The following SYT12 variants were observed in gnomAD, a reference collection of about 807,000 sequenced individuals.
SYT12 encodes synaptotagmin 12, also known as synaptotagmin-12.
A neutral mutation model predicts 39.5 loss-of-function variants in SYT12; 27 were observed. That is an observed-to-expected ratio of 0.68 (90% CI 0.50 to 0.94). The LOEUF is 0.94. Ranked by LOEUF, SYT12 falls within the 40% of genes least tolerant of loss-of-function variation. SYT12 has a pLI of 0.00. For missense variants in SYT12, 536 were observed against 572.6 expected (o/e 0.94, Z 0.65); for synonymous variants, 233 against 239.7 (o/e 0.97, Z 0.26).
chr11:67,019,069 T>A (rs1188155293), upstream of SYT12, among the ~76,000 whole-genome samples: 1 of 152,188 alleles, frequency 6.6e-6, no homozygotes, highest in Non-Finnish European at 1.5e-5. Flanking sequence ...GGACTCACAG[T>A]TCCTCATGAC....
chr11:67,024,830 C>G (rs1230557264), intron 1 of SYT12, among the ~76,000 whole-genome samples: 1 of 152,186 alleles, frequency 6.6e-6, no homozygotes, highest in Non-Finnish European at 1.5e-5. Context: ...AACTCCCGAC[C>G]CTTCCCATTG....
chr11:67,023,679 A>G (rs1398595544), intron 1 of SYT12, among the ~76,000 whole-genome samples: 1 of 152,168 alleles, frequency 6.6e-6, no homozygotes, highest in Non-Finnish European at 1.5e-5. Flanking sequence ...TGCGCATCGC[A>G]TCGCACGCCC....
In SYT12 at chr11:67,050,155, T is replaced by G. The variant is rs1474968968; in HGVS notation, c.*1398T>G. Reference sequence around the variant, plus strand: ...CCCAGAAGCAGAGGGGCTGGGCTGTTGCACCTCTACTGGCATCAGTCTTTG... The same window carrying G: ...CCCAGAAGCAGAGGGGCTGGGCTGTGGCACCTCTACTGGCATCAGTCTTTG... On this transcript the variant is annotated 3_prime_UTR_variant, in exon 8 of 8. Transcript: ENST00000527043. 1 of 151,634 alleles carries G rather than the reference T, an allele frequency of 6.6e-6. No homozygotes were observed. Among genetic ancestry groups the G allele is most frequent in the Admixed American group, 6.6e-5 (1 of 15,236 alleles). The allele number at this position is 151,634 out of a possible 1,614,324, so 9.4% of individuals were successfully genotyped here. A position where few individuals can be genotyped will look rare whatever the true frequency, so the allele number is the denominator to read the frequency against.
intron 1 of SYT12, among the ~76,000 whole-genome samples, chr11:67,026,231 G>A (rs923214665): frequency 4.6e-5 from 7 of 152,112 alleles, no homozygotes; most frequent in African/African-American, 1.7e-4. Context: ...GTCGGGGGAT[G>A]CAAACCCATT....
chr11:67,027,840 G>T (rs1290963819), intron 1 of SYT12: 1 of 152,284 alleles, frequency 6.6e-6, no homozygotes, highest in Non-Finnish European at 1.5e-5. Flanking sequence ...TGCCAGGTAA[G>T]CAGGAAAAAG....
intron 2 of SYT12, chr11:67,032,569 T>G (rs1950290762): frequency 6.6e-6 from 1 of 152,264 alleles, no homozygotes; most frequent in South Asian, 2.1e-4. Flanking sequence ...GAAACAGATG[T>G]GCTCATTACC....
intron 2 of SYT12, chr11:67,032,120 A>G (rs1209951723): frequency 6.6e-6 from 1 of 152,176 alleles, no homozygotes; most frequent in Non-Finnish European, 1.5e-5. Flanking sequence ...GTGCTGCGTG[A>G]CTTTTGCGCA....
At chr11:67,047,777 CTTTTT>C (rs1173796349) in intron 7 of SYT12, among the ~76,000 whole-genome samples, 3 of 76,030 alleles carry the variant, frequency 3.9e-5, no homozygotes, top group Admixed American at 1.3e-4. Context: ...ACCCCCATCT[CTTTTT>C]TTTTTTTTTT....
Position 67,048,739 on chromosome 11 carries a change from C to A in SYT12, c.1248C>A (p.His416Gln), listed in dbSNP as rs377247530. Residue 416 changes from histidine (H) to glutamine (Q), a missense_variant, in exon 8 of 8, where the codon CAC becomes CAA. Physicochemically the swap from His to Gln is conservative, Grantham distance 24. Coordinates refer to ENST00000527043, the MANE Select transcript of SYT12 (RefSeq NM_177963.4). ...TGCGCAGGCCCGTGTCCATGTGGCA[C>A]GCTGTCCGGCGAAACTAGCAACCAG... ...ATLRRPVSMWHAVRRN is the reference protein window; with the variant it reads ...ATLRRPVSMWQAVRRN 7.5e-6 allele frequency: 12 copies of A among 1,595,994 alleles called. No individual in the cohort carries two copies. The highest frequency in any genetic ancestry group is 1.3e-5 in the African/African-American group (1 of 74,594).
At chr11:67,014,766 C>A (rs2136194906) in intron 3 of SYT12, among the ~76,000 whole-genome samples, 1 of 152,146 alleles carries the variant, frequency 6.6e-6, no homozygotes, top group Non-Finnish European at 1.5e-5. Flanking sequence ...GCCTAGGTGC[C>A]CTGGCTGGCT....
chr11:67,044,837 C>G, intron 6 of SYT12, 124 bp downstream of exon 6: 1 of 1,417,286 alleles, frequency 7.1e-7, no homozygotes, highest in Non-Finnish European at 9.6e-7. Context: ...TCCCCCTCAG[C>G]TTTGCTGAGC....
At chr11:67,013,967 A>G (rs993674776) in intron 3 of SYT12, among the ~76,000 whole-genome samples, 25 of 152,194 alleles carry the variant, frequency 1.6e-4, no homozygotes, top group African/African-American at 5.8e-4. Flanking sequence ...GCAACCCTTG[A>G]TATTCCTTGG....
At chr11:67,031,903 G>T (rs1482496134) in intron 2 of SYT12, 1 of 152,290 alleles carries the variant, frequency 6.6e-6, no homozygotes, top group African/African-American at 2.4e-5. Context: ...GCCCTGCTGT[G>T]ACCCTGTTCC....
chr11:67,039,810 G>T lies in SYT12; in HGVS notation c.229-1G>T. 6.2e-7 allele frequency: 1 copy of T among 1,608,216 alleles called. No homozygotes were observed. Among genetic ancestry groups the T allele is most frequent in the Non-Finnish European group, 8.5e-7 (1 of 1,178,854 alleles). ...CCCACGTCCCTCTTTCTCACCCCTA[G>T]AGAGTGCCTGCCTGGAATGCCCAGC... On this transcript the variant is annotated splice_acceptor_variant, in intron 3 of 7. Coordinates refer to ENST00000527043, the MANE Select transcript of SYT12 (RefSeq NM_177963.4). LOFTEE classifies it high-confidence loss of function.
chr11:67,010,061 G>C (rs943854284), exon 2 of SYT12: 1 of 152,312 alleles, frequency 6.6e-6, no homozygotes, highest in Non-Finnish European at 1.5e-5. Flanking sequence ...CATGGTGGTG[G>C]CAGAAGCTTA....
At chr11:67,008,079 G>A (rs927770783) in intron 1 of SYT12, among the ~76,000 whole-genome samples, 6 of 151,192 alleles carry the variant, frequency 4.0e-5, no homozygotes, top group Admixed American at 1.3e-4. Flanking sequence ...TCAGCCTCCC[G>A]AGTAGCTGGG....
chr11:67,022,348 A>G (rs1234907416), upstream of SYT12, among the ~76,000 whole-genome samples: 1 of 151,420 alleles, frequency 6.6e-6, no homozygotes, highest in Non-Finnish European at 1.5e-5. Flanking sequence ...CCCACCCCAG[A>G]CCGTTGGAGA....
chr11:67,019,989 T>G (rs552383204), upstream of SYT12, among the ~76,000 whole-genome samples: 111 of 151,984 alleles, frequency 7.3e-4, no homozygotes, highest in Admixed American at 1.4e-3. Context: ...TTCTAGTCTC[T>G]TCACCTTTAA....
At chr11:67,035,797 C>T (rs1213336416) in intron 3 of SYT12, among the ~76,000 whole-genome samples, 8 of 45,828 alleles carry the variant, frequency 1.7e-4, no homozygotes, top group African/African-American at 7.0e-4. Context: ...TTCTTTCCTT[C>T]CTTCCTTCCT....
Sources: gnomAD v4.1 joint callset for allele counts (sites outside exome capture counted in the v4.1 genomes callset) on GRCh38, gnomAD v4.1.1 for gene constraint, MANE v1.5 for transcripts, NCBI Gene and HGNC (gene_info 2026-07-23, HGNC 2026-07-21) for gene names.